RIMKLB: variants seen among roughly 807,000 people sequenced by gnomAD.
The protein encoded by RIMKLB is beta-citrylglutamate synthase B.
A neutral mutation model predicts 32.0 loss-of-function variants in RIMKLB; 7 were observed. The ratio of observed to expected loss-of-function variants is 0.22; its 90% CI spans 0.12 to 0.41. The LOEUF is 0.41. RIMKLB is among the 10% of genes least tolerant of loss of function. The probability of loss-of-function intolerance (pLI) is 1.00; values close to 1 mark genes in which losing one functional copy is unlikely to be tolerated. For missense variants in RIMKLB, 289 were observed against 498.7 expected, an observed-to-expected ratio of 0.58 and a Z score of 4.00; for synonymous variants, 172 against 185.1, an observed-to-expected ratio of 0.93 and a Z score of 0.57.
At chr12:8,739,832 A>G (rs1017242814) in intron 2 of RIMKLB, among the ~76,000 whole-genome samples, 1 of 152,180 alleles carries the variant, frequency 6.6e-6, no homozygotes, top group South Asian at 2.1e-4. Context: ...TCCTTGTGTC[A>G]TCACATTGAG....
chr12:8,758,625 C>G (rs1412249917), intron 5 of RIMKLB, among the ~76,000 whole-genome samples: 2 of 152,078 alleles, frequency 1.3e-5, no homozygotes, highest in African/African-American at 4.8e-5. Flanking sequence ...CTTCTCCACC[C>G]TTTGGTCATG....
At position 8,772,185 on chromosome 12, in the gene RIMKLB, C is replaced by T. The variant is rs144495705; in HGVS notation, c.698-1136C>T. Among the ~76,000 whole-genome samples, 609 of 151,798 alleles carry T rather than the reference C, an allele frequency of 4.0e-3. 9 individuals carry two copies. The highest frequency in any genetic ancestry group is 0.014 in the African/African-American group (574 of 41,464). On this transcript the variant is annotated intron_variant, in intron 5 of 5. Transcript: ENST00000535829. ...CAGGCATGAGCCATCACAGCTGGCC[C>T]AAATTTTTTATCTTTATGATTTCAC...
intron 5 of RIMKLB, among the ~76,000 whole-genome samples, chr12:8,763,554 G>A (rs1215950672): frequency 6.6e-6 from 1 of 152,210 alleles, no homozygotes; most frequent in Non-Finnish European, 1.5e-5. Flanking sequence ...GCCAATATAG[G>A]CTGGATACGT....
intron 1 of RIMKLB, among the ~76,000 whole-genome samples, chr12:8,709,429 C>T (rs1944176670): frequency 6.6e-6 from 1 of 152,210 alleles, no homozygotes; most frequent in South Asian, 2.1e-4. Flanking sequence ...AACAGCTGTG[C>T]CCAAGGCTAG....
At chr12:8,726,226 A>G (rs1008990579) in intron 2 of RIMKLB, among the ~76,000 whole-genome samples, 1 of 152,192 alleles carries the variant, frequency 6.6e-6, no homozygotes, top group African/African-American at 2.4e-5. Context: ...TCGTGTTGTC[A>G]GCGTTCTGGA....
chr12:8,686,929 T>A (rs142396498), intron 1 of RIMKLB, among the ~76,000 whole-genome samples: 2 of 152,342 alleles, frequency 1.3e-5, no homozygotes, highest in African/African-American at 4.8e-5. Context: ...GAATCATCAA[T>A]GTATAACAAA....
chr12:8,775,471 C>T lies in RIMKLB; in HGVS notation c.*1687C>T. 1 of 985,700 alleles carries T rather than the reference C, an allele frequency of 1.0e-6. No homozygotes were observed. Among genetic ancestry groups the T allele is most frequent in the South Asian group, 4.7e-5 (1 of 21,284 alleles). The allele number at this position is 985,700 out of a possible 1,614,324, so 61.1% of individuals were successfully genotyped here. On this transcript the variant is annotated 3_prime_UTR_variant, in exon 6 of 6. Coordinates refer to ENST00000535829, the MANE Select transcript of RIMKLB (RefSeq NM_001297776.2). ...CGTAATTTTTTAAACAGCAAGTTTTCCATCTCCCTACGAATCCTCTGAAGC... is the reference window on the plus strand; with the variant it reads ...CGTAATTTTTTAAACAGCAAGTTTTTCATCTCCCTACGAATCCTCTGAAGC...
At chr12:8,668,937 G>A in the RIMKLB span, 1 of 151,572 alleles carries the variant, frequency 6.6e-6, no homozygotes, top group Admixed American at 6.6e-5. Context: ...TAACTAATAT[G>A]TTGTATAACT....
At chr12:8,698,623 G>A (rs1246417228) in intron 1 of RIMKLB, among the ~76,000 whole-genome samples, 2 of 152,164 alleles carry the variant, frequency 1.3e-5, no homozygotes, top group Non-Finnish European at 2.9e-5. Flanking sequence ...CGCCGGCGAG[G>A]GGGTGTGGTA....
At chr12:8,781,004 T>A (rs898363469), downstream of RIMKLB, among the ~76,000 whole-genome samples, 4 of 152,234 alleles carry the variant, frequency 2.6e-5, no homozygotes, top group Admixed American at 6.5e-5. Context: ...TGTTTTTAAT[T>A]TGCAAGATAA....
At chr12:8,782,391 CTT>C (rs1219324499) in intron 7 of RIMKLB, among the ~76,000 whole-genome samples, 3 of 150,774 alleles carry the variant, frequency 2.0e-5, no homozygotes, top group African/African-American at 4.8e-5. Flanking sequence ...ACGGAGACAT[CTT>C]TGTGGTTTTA....
intron 2 of RIMKLB, among the ~76,000 whole-genome samples, chr12:8,715,832 GTGAA>G (rs1221226589): frequency 3.9e-5 from 6 of 152,228 alleles, no homozygotes; most frequent in Admixed American, 3.9e-4. Flanking sequence ...AATGAAAAAT[GTGAA>G]TGTCACTTTG....
the RIMKLB span, among the ~76,000 whole-genome samples, chr12:8,669,371 T>C: frequency 8.0e-4 from 121 of 152,186 alleles, no homozygotes; most frequent in Admixed American, 1.4e-3. Context: ...ACCTCTAACA[T>C]TGGGGGTCAA....
intron 2 of RIMKLB, among the ~76,000 whole-genome samples, chr12:8,728,766 T>A (rs1218889511): frequency 2.2e-5 from 3 of 134,016 alleles, no homozygotes; most frequent in African/African-American, 1.1e-4. Flanking sequence ...CTGCTAATTG[T>A]GTGTGTGTGT....
chr12:8,771,200 T>A (rs920812572), intron 5 of RIMKLB, among the ~76,000 whole-genome samples: 1 of 152,154 alleles, frequency 6.6e-6, no homozygotes, highest in East Asian at 1.9e-4. Context: ...ACTAGTAGAC[T>A]GAGTAGGGAA....
chr12:8,753,383 A>G (rs1948775674), intron 4 of RIMKLB, among the ~76,000 whole-genome samples: 1 of 152,230 alleles, frequency 6.6e-6, no homozygotes, highest in Non-Finnish European at 1.5e-5. Flanking sequence ...CACCATGGGA[A>G]GAATTTAGAA....
chr12:8,733,997 T>C (rs755603254), intron 2 of RIMKLB, among the ~76,000 whole-genome samples: 2 of 152,228 alleles, frequency 1.3e-5, no homozygotes, highest in African/African-American at 2.4e-5. Flanking sequence ...AGGAGGACAC[T>C]GTCCTCACCC....
Position 8,777,012 on chromosome 12 carries a change from AG to A in RIMKLB, c.*3230del, listed in dbSNP as rs1308966523. On this transcript the variant is annotated 3_prime_UTR_variant, in exon 6 of 6. Coordinates refer to ENST00000535829, the MANE Select transcript of RIMKLB (RefSeq NM_001297776.2). The stretch of plus-strand genomic sequence containing the variant: ...TTCTCCTGGCTCACTTTTTTTGAGA[AG>A]GTTTATGGGCTATTTGGCTGGTGAG... The A allele has an allele frequency of 1.0e-6, 1 of 985,632 alleles. No homozygotes were observed. Among genetic ancestry groups the A allele is most frequent in the Non-Finnish European group, 1.2e-6 (1 of 829,916 alleles). 61.1% of individuals were successfully genotyped at this position (985,632 alleles called of 1,614,324 possible). A position where few individuals can be genotyped will look rare whatever the true frequency, so the allele number is the denominator to read the frequency against.
intron 2 of RIMKLB, among the ~76,000 whole-genome samples, chr12:8,729,977 T>A (rs989261562): frequency 1.3e-5 from 2 of 152,232 alleles, no homozygotes; most frequent in Non-Finnish European, 2.9e-5. Flanking sequence ...TATTTGTATA[T>A]CTTTGGAGAA....
Sources: allele counts gnomAD v4.1 joint callset (sites outside exome capture counted in the v4.1 genomes callset), GRCh38; gene constraint gnomAD v4.1.1; transcripts MANE v1.5; gene names NCBI Gene and HGNC (gene_info 2026-07-23, HGNC 2026-07-21).